DCAF7: variants seen among roughly 807,000 people sequenced by gnomAD.
DCAF7 encodes DDB1- and CUL4-associated factor 7.
In DCAF7, 4 loss-of-function variants were observed where a neutral mutation model predicts 41.2. That is an observed-to-expected ratio of 0.10 (90% CI 0.05 to 0.22). The LOEUF is 0.22. DCAF7 is among the 10% of genes least tolerant of loss of function. The pLI is 1.00. For synonymous variants in DCAF7, 143 were observed against 164.2 expected (o/e 0.87, Z 0.99); for missense variants, 131 against 443.2 (o/e 0.30, Z 6.32).
chr17:63,561,986 T>A (rs1397402354), intron 1 of DCAF7, among the ~76,000 whole-genome samples: 1 of 136,316 alleles, frequency 7.3e-6, no homozygotes, highest in African/African-American at 2.9e-5. Flanking sequence ...TCCAGAGTGT[T>A]CAGAATAAAT....
rs1460533064 is a variant in DCAF7, at chr17:63,581,596, C to T, written c.528+1653C>T. On this transcript the variant is annotated intron_variant, in intron 4 of 6. Coordinates refer to ENST00000614556, the MANE Select transcript of DCAF7 (RefSeq NM_005828.5). ...CCCACCAAAGCCTCCCATGGCTGAA[C>T]CAGCCAGAAGCAGCCAGCAGATCTG... 8.5e-5 allele frequency among the ~76,000 whole-genome samples: 13 copies of T among 152,312 alleles called. No homozygotes were observed. In the East Asian group the frequency reaches 2.5e-3, roughly 29 times the overall value.
Position 63,583,648 on chromosome 17 carries a change from T to C in DCAF7, c.675T>C (p.Leu225=). The change falls in exon 5 of 7, where the codon CTT becomes CTC. Residue 225 remains leucine (L), a synonymous_variant. Coordinates refer to ENST00000614556, the MANE Select transcript of DCAF7 (RefSeq NM_005828.5). Reference sequence around the variant, plus strand: ...AAGACCCACAGCATCACCCACTGCTTCGCCTCTGCTGGAACAAGCAGGACC... The same window carrying C: ...AAGACCCACAGCATCACCCACTGCTCCGCCTCTGCTGGAACAAGCAGGACC... ...IYEDPQHHPL[L]RLCWNKQDPN... The C allele has an allele frequency of 6.2e-7, 1 of 1,613,206 alleles. No individual in the cohort carries two copies. The highest frequency in any genetic ancestry group is 1.3e-5 in the African/African-American group (1 of 75,042).
rs2033756446 is a variant in DCAF7, at chr17:63,593,626, C to T, written c.*4454C>T. 1 of 152,644 alleles carries T rather than the reference C, an allele frequency of 6.6e-6. No individual in the cohort carries two copies. Among genetic ancestry groups the T allele is most frequent in the Non-Finnish European group, 1.5e-5 (1 of 68,040 alleles). 9.5% of individuals were successfully genotyped at this position (152,644 alleles called of 1,614,324 possible). ...ATCTACTATTTAAAAGAAATGTTCT[C>T]ACCTTGGGTTGATTGTGGTATACCA... On this transcript the variant is annotated 3_prime_UTR_variant, in exon 7 of 7. Transcript: ENST00000614556.
At chr17:63,575,358 A>G (rs1174329111) in intron 1 of DCAF7, among the ~76,000 whole-genome samples, 1 of 152,126 alleles carries the variant, frequency 6.6e-6, no homozygotes, top group African/African-American at 2.4e-5. Flanking sequence ...AATAAAATTA[A>G]TGAAAGAATC....
intron 1 of DCAF7, among the ~76,000 whole-genome samples, chr17:63,577,477 T>C (rs1458903120): frequency 6.6e-6 from 1 of 152,174 alleles, no homozygotes; most frequent in African/African-American, 2.4e-5. Flanking sequence ...TTGAGCCAGA[T>C]TGAGTTTGAC....
chr17:63,550,900 A>G lies in DCAF7; in HGVS notation c.138+85A>G, dbSNP rs897703147. The G allele has an allele frequency of 6.5e-7, 1 of 1,536,930 alleles. No individual in the cohort carries two copies. Among genetic ancestry groups the G allele is most frequent in the African/African-American group, 1.4e-5 (1 of 72,928 alleles). On this transcript the variant is annotated intron_variant, in intron 1 of 6. Coordinates refer to ENST00000614556, the MANE Select transcript of DCAF7 (RefSeq NM_005828.5). The surrounding 1 kb of genome is among the most constrained non-coding windows in gnomAD (Gnocchi z 4.8). The stretch of plus-strand genomic sequence containing the variant: ...TCCGGGCCGGAGCCCAGGCCTCAGA[A>G]CCCTCTTGCGGACTCGCCCTAGGGC...
chr17:63,583,874 T>C (rs975249642), intron 5 of DCAF7, among the ~76,000 whole-genome samples, 163 bp downstream of exon 5: 7 of 152,152 alleles, frequency 4.6e-5, no homozygotes, highest in Non-Finnish European at 8.8e-5. Context: ...CAGTTGGTAC[T>C]ATGGCATCTA....
chr17:63,582,888 C>G (rs956884831), intron 4 of DCAF7, among the ~76,000 whole-genome samples: 5 of 152,214 alleles, frequency 3.3e-5, no homozygotes, highest in African/African-American at 9.6e-5. Context: ...AATTGATTCA[C>G]TTATGATCTC....
At position 63,578,640 on chromosome 17, in the gene DCAF7, C is replaced by G. The variant is rs749253421; in HGVS notation, c.297+12C>G. 5.9e-5 allele frequency: 96 copies of G among 1,613,740 alleles called. No individual in the cohort carries two copies. The highest frequency in any genetic ancestry group is 7.9e-5 in the Non-Finnish European group (93 of 1,179,762). On this transcript the variant is annotated intron_variant, in intron 2 of 6. Transcript: ENST00000614556. ...TCCGTGTGTGGAGGGTAAGCGGATG[C>G]TTTATTAGCAGCCAGACAAGTGGGC...
At chr17:63,557,693 C>G (rs1479890208) in intron 1 of DCAF7, among the ~76,000 whole-genome samples, 1 of 152,024 alleles carries the variant, frequency 6.6e-6, no homozygotes, top group African/African-American at 2.4e-5. Context: ...AGAAATGAAA[C>G]AAACTCAAAT....
intron 1 of DCAF7, among the ~76,000 whole-genome samples, chr17:63,577,787 C>T (rs2033578466): frequency 1.3e-5 from 2 of 152,168 alleles, no homozygotes; most frequent in South Asian, 4.1e-4. Flanking sequence ...GCACTTCAGT[C>T]ATTGTGGCAG....
intron 5 of DCAF7, among the ~76,000 whole-genome samples, chr17:63,584,502 C>T (rs909328051): frequency 6.6e-6 from 1 of 151,908 alleles, no homozygotes; most frequent in Non-Finnish European, 1.5e-5. Context: ...TGGCTCACAC[C>T]TGTAATCCCA....
At chr17:63,568,527 CT>C (rs1198065026) in intron 1 of DCAF7, among the ~76,000 whole-genome samples, 1 of 152,140 alleles carries the variant, frequency 6.6e-6, no homozygotes, top group East Asian at 1.9e-4. Context: ...AACTCAGGCG[CT>C]TTAAATTTTA....
chr17:63,589,849 A>G lies in DCAF7; in HGVS notation c.*677A>G, dbSNP rs1394271994. 1.3e-5 allele frequency: 2 copies of G among 153,796 alleles called. No individual in the cohort carries two copies. Among genetic ancestry groups the G allele is most frequent in the African/African-American group, 4.8e-5 (2 of 41,452 alleles). 9.5% of individuals were successfully genotyped at this position (153,796 alleles called of 1,614,324 possible). ...GTAGTACATACCTGACCGGGAGTCC[A>G]AACCACCTTGGTGCTCTGAAGTCCA... On this transcript the variant is annotated 3_prime_UTR_variant, in exon 7 of 7. Transcript: ENST00000614556.
In DCAF7 at chr17:63,589,670, G is replaced by A; in HGVS notation, c.*498G>A. On this transcript the variant is annotated 3_prime_UTR_variant, in exon 7 of 7. Coordinates refer to ENST00000614556, the MANE Select transcript of DCAF7 (RefSeq NM_005828.5). ...ACTTTGTATATTTGTTATCTATCAG[G>A]CTAATTTTTTTATGAAAAGAATTTT... The A allele has an allele frequency of 5.8e-6, 1 of 171,540 alleles. No individual in the cohort carries two copies. Among genetic ancestry groups the A allele is most frequent in the African/African-American group, 2.4e-5 (1 of 41,736 alleles). The allele number at this position is 171,540 out of a possible 1,614,324, so 10.6% of individuals were successfully genotyped here.
intron 1 of DCAF7, among the ~76,000 whole-genome samples, chr17:63,577,910 C>T (rs1333913008): frequency 1.3e-5 from 2 of 152,114 alleles, no homozygotes; most frequent in African/African-American, 4.8e-5. Flanking sequence ...AGACTTGAGT[C>T]AGAAAACCTG....
chr17:63,585,538 T>C (rs2033667919), intron 6 of DCAF7, among the ~76,000 whole-genome samples: 1 of 152,236 alleles, frequency 6.6e-6, no homozygotes, highest in Admixed American at 6.5e-5. Context: ...ACATCTTCCA[T>C]ATATGATTTA....
At position 63,554,378 on chromosome 17, in the gene DCAF7, T is replaced by C. The variant is rs1346668828; in HGVS notation, c.138+3563T>C. Among the ~76,000 whole-genome samples the C allele has an allele frequency of 7.9e-5, 12 of 152,366 alleles. No individual in the cohort carries two copies. In the East Asian group the frequency reaches 2.3e-3, roughly 29 times the overall value. On this transcript the variant is annotated intron_variant, in intron 1 of 6. Transcript: ENST00000614556. ...CCCCTGAAGTTAACAGACTTGGAGA[T>C]AGGTGACAGACACACTAGTGGTTGA...
chr17:63,589,582 C>T lies in DCAF7; in HGVS notation c.*410C>T, dbSNP rs1598039754. The T allele has an allele frequency of 4.2e-6, 1 of 235,870 alleles. No homozygotes were observed. Among genetic ancestry groups the T allele is most frequent in the East Asian group, 1.1e-4 (1 of 8,998 alleles). The allele number at this position is 235,870 out of a possible 1,614,324, so 14.6% of individuals were successfully genotyped here. A position where few individuals can be genotyped will look rare whatever the true frequency, so the allele number is the denominator to read the frequency against. ...GTCCATGTCCATGTTCGTGTTAGCA[C>T]TTACGTGGGAACAAATACCAATTTG... On this transcript the variant is annotated 3_prime_UTR_variant, in exon 7 of 7. Transcript: ENST00000614556.
Sources: allele counts gnomAD v4.1 joint callset (sites outside exome capture counted in the v4.1 genomes callset), GRCh38; gene constraint gnomAD v4.1.1; non-coding constraint Gnocchi (gnomAD v3.1); transcripts MANE v1.5; gene names NCBI Gene and HGNC (gene_info 2026-07-23, HGNC 2026-07-21).